HMCN1: variants seen among roughly 807,000 people sequenced by gnomAD.
The protein encoded by HMCN1 is hemicentin 1.
A neutral mutation model predicts 625.9 loss-of-function variants in HMCN1; 321 were observed. That is an observed-to-expected ratio of 0.51 (90% confidence interval 0.47 to 0.56). HMCN1 has a LOEUF of 0.56. Ranked by LOEUF, HMCN1 falls within the 20% of genes least tolerant of loss-of-function variation. HMCN1 has a pLI of 0.00. For missense variants in HMCN1, 6,588 were observed against 6,887.3 expected (o/e 0.96, Z 1.54); for synonymous variants, 2,425 against 2,417.6 (o/e 1.00, Z -0.09).
At chr1:185,961,003 T>C (rs1350534117) in intron 11 of HMCN1, among the ~76,000 whole-genome samples, 2 of 152,144 alleles carry the variant, frequency 1.3e-5, no homozygotes, top group Non-Finnish European at 2.9e-5. Flanking sequence ...TCTAGCCCTA[T>C]GCTCACCAAC....
Position 186,110,348 on chromosome 1 carries a change from A to G in HMCN1, c.10989+1751A>G, listed in dbSNP as rs184886381. Among the ~76,000 whole-genome samples the G allele has an allele frequency of 1.5e-3, 224 of 152,332 alleles. 2 individuals carry two copies. The highest frequency in any genetic ancestry group is 2.6e-4 in the Non-Finnish European group (18 of 68,030). On this transcript the variant is annotated intron_variant, in intron 71 of 106. Transcript: ENST00000271588. ...ATTATGAGGTGAGCATAGGAAAAAA[A>G]GAAGATGCATGAGACTGAGAAGGAG... is the stretch of plus-strand genomic sequence containing the variant.
rs761375779 is a variant in HMCN1, at chr1:186,123,005, C to T, written c.12284C>T (p.Pro4095Leu). 2 of 1,614,072 alleles carry T rather than the reference C, an allele frequency of 1.2e-6. No individual in the cohort carries two copies. Among genetic ancestry groups the T allele is most frequent in the Non-Finnish European group, 1.7e-6 (2 of 1,179,998 alleles). The change falls in exon 81 of 107, where the codon CCC (proline) becomes CTC (leucine). Residue 4095 changes from proline (P) to leucine (L), a missense_variant. Pro to Leu is a moderately conservative substitution (Grantham distance 98). This residue lies in a region of HMCN1 where 1,954 missense variants were observed against 2,013.1 expected (regional missense o/e 0.97). Coordinates refer to ENST00000271588, the MANE Select transcript of HMCN1 (RefSeq NM_031935.3). ...LKEYVIAVDK[P>L]ITLSCEADGL... ...GAATATGTTATTGCTGTGGACAAGC[C>T]CATCACGTTATCCTGTGAAGCAGAT...
At chr1:185,828,731 T>A (rs555521933) in intron 1 of HMCN1, among the ~76,000 whole-genome samples, 39 of 152,134 alleles carry the variant, frequency 2.6e-4, no homozygotes, top group Non-Finnish European at 5.0e-4. Context: ...GTAAATTTTT[T>A]AAAAACTTCA....
At chr1:186,178,010 G>A (rs1004853891) in intron 103 of HMCN1, among the ~76,000 whole-genome samples, 3 of 152,038 alleles carry the variant, frequency 2.0e-5, no homozygotes, top group Admixed American at 6.6e-5. Context: ...TTAGAATTAC[G>A]TGTAAAAATG....
intron 1 of HMCN1, among the ~76,000 whole-genome samples, chr1:185,779,260 G>A (rs1656868642): frequency 6.6e-6 from 1 of 152,110 alleles, no homozygotes; most frequent in South Asian, 2.1e-4. Flanking sequence ...TTTGTCAGAT[G>A]AGTAGATTGC....
rs376941835 is a variant in HMCN1 at position 186,187,981 on chromosome 1, C to T, written c.16513C>T (p.Pro5505Ser). 35 of 1,613,772 alleles carry T rather than the reference C, an allele frequency of 2.2e-5. No individual in the cohort carries two copies. Among genetic ancestry groups the T allele is most frequent in the Middle Eastern group, 1.6e-4 (1 of 6,076 alleles). ...CCAGTGCATCGATACACCCTGTCCA[C>T]CCAACTACCAACGGGATCCTGTTTC... is the stretch of plus-strand genomic sequence containing the variant. ...SYQCIDTPCPPNYQRDPVSGF... is the reference protein window; with the variant it reads ...SYQCIDTPCPSNYQRDPVSGF... Residue 5505 changes from proline to serine, a missense_variant, in exon 106 of 107, where the codon CCC (proline) becomes TCC (serine). Coordinates refer to ENST00000271588, the MANE Select transcript of HMCN1 (RefSeq NM_031935.3).
At chr1:185,893,275 G>A (rs541743262) in intron 4 of HMCN1, among the ~76,000 whole-genome samples, 18 of 152,260 alleles carry the variant, frequency 1.2e-4, no homozygotes, top group Non-Finnish European at 1.8e-4. Flanking sequence ...CATCTTCTGC[G>A]TTGCTCAGGC....
chr1:185,845,288 G>A (rs111461326), intron 1 of HMCN1, among the ~76,000 whole-genome samples: 2,559 of 152,204 alleles, frequency 0.017, 77 homozygotes, highest in African/African-American at 0.059. Context: ...CATGAACTCG[G>A]CTCACTGCAA....
In HMCN1 at chr1:186,107,090, A is replaced by T. The variant is rs113844588; in HGVS notation, c.10852+125A>T. 4.8e-3 allele frequency: 3,539 copies of T among 741,776 alleles called. 89 individuals carry two copies. The highest frequency in any genetic ancestry group is 0.035 in the South Asian group (2,379 of 67,584). The allele number at this position is 741,776 out of a possible 1,614,324, so 45.9% of individuals were successfully genotyped here. A position where few individuals can be genotyped will look rare whatever the true frequency, so the allele number is the denominator to read the frequency against. On this transcript the variant is annotated intron_variant, in intron 70 of 106. Coordinates refer to ENST00000271588, the MANE Select transcript of HMCN1 (RefSeq NM_031935.3). ...GGGAATATATATTTTGCAAATCTGA[A>T]TCTTTTTTTTTTTGAGACGGAGTCT...
chr1:185,845,462 C>G (rs1661755456), intron 1 of HMCN1, among the ~76,000 whole-genome samples: 1 of 152,194 alleles, frequency 6.6e-6, no homozygotes, highest in Non-Finnish European at 1.5e-5. Context: ...CTCAAATGAT[C>G]TGCCCGCCTT....
intron 4 of HMCN1, among the ~76,000 whole-genome samples, chr1:185,886,163 G>A (rs901196210): frequency 7.9e-5 from 12 of 151,808 alleles, no homozygotes; most frequent in Non-Finnish European, 1.3e-4. Flanking sequence ...AGAATATGCA[G>A]GGCTCAGAGC....
chr1:185,742,006 G>C (rs1654024149), intron 1 of HMCN1, among the ~76,000 whole-genome samples: 1 of 152,002 alleles, frequency 6.6e-6, no homozygotes, highest in African/African-American at 2.4e-5. Context: ...CGGAATGGTT[G>C]CTTTGATCAT....
At position 185,950,992 on chromosome 1, in the gene HMCN1, G is replaced by A. The variant is rs571993018; in HGVS notation, c.1829-11526G>A. Among the ~76,000 whole-genome samples the A allele has an allele frequency of 4.1e-3, 604 of 147,982 alleles. 1 individual carries two copies. Among genetic ancestry groups the A allele is most frequent in the African/African-American group, 0.015 (577 of 39,642 alleles). ...TTTAAAAGGCCATGCTGTAGCAGGC[G>A]AGTGATAACAGGCTTTAATCTTTTT... is the stretch of plus-strand genomic sequence containing the variant. On this transcript the variant is annotated intron_variant, in intron 11 of 106. Transcript: ENST00000271588.
chr1:185,888,727 T>C (rs901472013), intron 4 of HMCN1, among the ~76,000 whole-genome samples: 1 of 146,892 alleles, frequency 6.8e-6, no homozygotes, highest in African/African-American at 2.7e-5. Context: ...TAGTATAGTT[T>C]GAAGTCAGGT....
chr1:185,917,574 C>T (rs1415139125), intron 6 of HMCN1, among the ~76,000 whole-genome samples: 1 of 152,124 alleles, frequency 6.6e-6, no homozygotes, highest in Non-Finnish European at 1.5e-5. Flanking sequence ...ATTAGCTGGT[C>T]TGAGGAATAT....
intron 75 of HMCN1, among the ~76,000 whole-genome samples, chr1:186,116,500 A>C (rs895076225): frequency 3.9e-5 from 6 of 151,910 alleles, no homozygotes; most frequent in Non-Finnish European, 7.4e-5. Flanking sequence ...GGAGACATGC[A>C]AAGTACATAA....
intron 81 of HMCN1, among the ~76,000 whole-genome samples, chr1:186,123,489 T>C (rs1661497553): frequency 6.6e-6 from 1 of 152,168 alleles, no homozygotes; most frequent in Non-Finnish European, 1.5e-5. Flanking sequence ...TCACATATTG[T>C]GATTAGTTGG....
intron 1 of HMCN1, among the ~76,000 whole-genome samples, chr1:185,754,182 T>A (rs559989936): frequency 6.6e-6 from 1 of 152,166 alleles, no homozygotes; most frequent in African/African-American, 2.4e-5. Flanking sequence ...AAATATGACA[T>A]GTTTTAACTT....
At chr1:185,966,450 A>G (rs1650411282) in intron 14 of HMCN1, among the ~76,000 whole-genome samples, 1 of 152,142 alleles carries the variant, frequency 6.6e-6, no homozygotes, top group South Asian at 2.1e-4. Context: ...TTTGTGTCAT[A>G]AAGATTGCAC....
Sources: gnomAD v4.1 joint callset for allele counts (sites outside exome capture counted in the v4.1 genomes callset) on GRCh38, gnomAD v4.1.1 for gene constraint, gnomAD v4.1.1 regional missense constraint, MANE v1.5 for transcripts, NCBI Gene and HGNC (gene_info 2026-07-23, HGNC 2026-07-21) for gene names.